The following WFDC1 variants were observed in gnomAD, a reference collection of about 807,000 sequenced individuals.
WFDC1 encodes WAP four-disulfide core domain protein 1.
A neutral mutation model predicts 32.9 loss-of-function variants in WFDC1; 39 were observed. The observed-to-expected ratio is 1.19, with a 90% CI of 0.92 to 1.55. WFDC1 has a LOEUF of 1.55. Ranked by LOEUF, WFDC1 falls within the 40% of genes most tolerant of loss-of-function variation. The probability of loss-of-function intolerance (pLI) is 0.00; values close to 1 mark genes in which losing one functional copy is unlikely to be tolerated. For synonymous variants in WFDC1, 184 were observed against 137.4 expected (o/e 1.34, Z -2.37); for missense variants, 386 against 309.5 (o/e 1.25, Z -1.85).
chr16:84,305,005 C>G (rs910083820), intron 1 of WFDC1, among the ~76,000 whole-genome samples: 2 of 152,230 alleles, frequency 1.3e-5, no homozygotes, highest in African/African-American at 2.4e-5. Flanking sequence ...TGGAGTAGGA[C>G]AGACCCAGGT....
intron 1 of WFDC1, among the ~76,000 whole-genome samples, chr16:84,310,667 T>C (rs967820338): frequency 2.6e-5 from 4 of 152,112 alleles, no homozygotes; most frequent in East Asian, 1.9e-4. Context: ...CAAATAGATA[T>C]ATATATGTTA....
At chr16:84,313,790 T>C (rs183939124) in intron 2 of WFDC1, among the ~76,000 whole-genome samples, 2 of 152,332 alleles carry the variant, frequency 1.3e-5, no homozygotes, top group East Asian at 1.9e-4. Flanking sequence ...TGTCACTTTC[T>C]TGAGTCTCCT....
intron 1 of WFDC1, among the ~76,000 whole-genome samples, chr16:84,299,640 C>T (rs542821516): frequency 2.6e-5 from 4 of 152,328 alleles, no homozygotes; most frequent in African/African-American, 4.8e-5. Flanking sequence ...ACAAATCCAC[C>T]GGGTGGGGCC....
chr16:84,297,617 CAAAAAAAAAAAAAAAA>C (rs150683526), intron 1 of WFDC1, among the ~76,000 whole-genome samples: 3 of 69,464 alleles, frequency 4.3e-5, no homozygotes, highest in East Asian at 4.5e-4. Flanking sequence ...AACTCTGTCT[CAAAAAAAAAAAAAAAA>C]AAAAAAAAAA....
Position 84,299,080 on chromosome 16 carries a change from G to A in WFDC1, c.144+3965G>A, listed in dbSNP as rs1041718122. On this transcript the variant is annotated intron_variant, in intron 1 of 6. Transcript: ENST00000219454. Reference sequence around the variant, plus strand: ...AAAAACCCATTCCAGGCCGGGCACAGTGGCTCACAGTGGCTCATGCCTGTA... The same window carrying A: ...AAAAACCCATTCCAGGCCGGGCACAATGGCTCACAGTGGCTCATGCCTGTA... Among the ~76,000 whole-genome samples, 12 of 152,292 alleles carry A rather than the reference G, an allele frequency of 7.9e-5. 1 individual carries two copies. In the East Asian group the frequency reaches 2.1e-3, roughly 27 times the overall value.
chr16:84,313,061 G>T lies in WFDC1; in HGVS notation c.245G>T (p.Arg82Leu). The change falls in exon 2 of 7, where the codon CGC becomes CTC. Residue 82 changes from arginine to leucine, a missense_variant. By Grantham distance (102) the Arg-to-Leu change is moderately radical. Coordinates refer to ENST00000219454, the MANE Select transcript of WFDC1 (RefSeq NM_021197.4). Reference sequence around the variant, plus strand: ...CCCCCCGGCGCCTGCCAGGCCGCGCGCTGTCAGGCGGACTCCGAGTGCCCG... The same window carrying T: ...CCCCCCGGCGCCTGCCAGGCCGCGCTCTGTCAGGCGGACTCCGAGTGCCCG... The part of the protein sequence containing the change: ...TLPPGACQAA[R>L]CQADSECPRH... 7.2e-7 allele frequency: 1 copy of T among 1,397,392 alleles called. No individual in the cohort carries two copies. Among genetic ancestry groups the T allele is most frequent in the Non-Finnish European group, 9.3e-7 (1 of 1,077,422 alleles). The allele number at this position is 1,397,392 out of a possible 1,614,324, so 86.6% of individuals were successfully genotyped here.
chr16:84,303,020 TC>T (rs1401399604), intron 1 of WFDC1, among the ~76,000 whole-genome samples: 7 of 122,510 alleles, frequency 5.7e-5, no homozygotes, highest in African/African-American at 1.9e-4. Flanking sequence ...TTTCTTTCTT[TC>T]TTTTTTTTTT....
chr16:84,306,808 G>A lies in WFDC1; in HGVS notation c.145-6153G>A, dbSNP rs1338860080. 2.6e-5 allele frequency among the ~76,000 whole-genome samples: 4 copies of A among 152,140 alleles called. No individual in the cohort carries two copies. The East Asian group carries it at 7.7e-4, about 29-fold the overall frequency. Reference sequence around the variant, plus strand: ...CATCATCACAGCTTTTGTTCCACCCGAAGAATATTTACTGAGTACTTGCTA... The same window carrying A: ...CATCATCACAGCTTTTGTTCCACCCAAAGAATATTTACTGAGTACTTGCTA... On this transcript the variant is annotated intron_variant, in intron 1 of 6. Coordinates refer to ENST00000219454, the MANE Select transcript of WFDC1 (RefSeq NM_021197.4).
At chr16:84,311,018 T>A (rs141507782) in intron 1 of WFDC1, among the ~76,000 whole-genome samples, 2 of 152,310 alleles carry the variant, frequency 1.3e-5, no homozygotes, top group East Asian at 1.9e-4. Context: ...TTTTTTCCAA[T>A]TAATCTATCC....
intron 1 of WFDC1, among the ~76,000 whole-genome samples, chr16:84,305,754 C>T (rs941637205): frequency 2.1e-4 from 32 of 152,140 alleles, no homozygotes; most frequent in African/African-American, 7.7e-4. Flanking sequence ...GTAATCCCAG[C>T]ACTTTGGGAG....
At chr16:84,308,279 C>T (rs548089639) in intron 1 of WFDC1, among the ~76,000 whole-genome samples, 53 of 152,242 alleles carry the variant, frequency 3.5e-4, no homozygotes, top group African/African-American at 1.3e-3. Context: ...TTCCCAGGGG[C>T]ACCCGGCCCG....
chr16:84,319,087 G>A lies in WFDC1; in HGVS notation c.422-344G>A, dbSNP rs182173972. The stretch of plus-strand genomic sequence containing the variant: ...GTATTTGTGCGTCTGACTTGCTTGT[G>A]TAAATGTCTGTGTCCCCATGCGACT... On this transcript the variant is annotated intron_variant, in intron 3 of 6. Coordinates refer to ENST00000219454, the MANE Select transcript of WFDC1 (RefSeq NM_021197.4). 1.7e-3 allele frequency: 579 copies of A among 350,714 alleles called. 7 individuals are homozygous for A. Among genetic ancestry groups the A allele is most frequent in the Non-Finnish European group, 1.2e-3 (226 of 190,052 alleles). 21.7% of individuals were successfully genotyped at this position (350,714 alleles called of 1,614,324 possible).
At chr16:84,325,451 C>T (rs914731008) in intron 5 of WFDC1, among the ~76,000 whole-genome samples, 1 of 152,110 alleles carries the variant, frequency 6.6e-6, no homozygotes, top group African/African-American at 2.4e-5. Flanking sequence ...GATCTGCCCG[C>T]CTCGGCCTCC....
chr16:84,295,193 C>G, intron 1 of WFDC1, 78 bp downstream of exon 1: 4 of 1,541,230 alleles, frequency 2.6e-6, no homozygotes, highest in Non-Finnish European at 3.5e-6. Context: ...TCCCTAGACA[C>G]TGCCTTCTCC....
At position 84,311,116 on chromosome 16, in the gene WFDC1, C is replaced by T. The variant is rs531852149; in HGVS notation, c.145-1845C>T. ...ATAGAAGCAGAAGAGTGTTACTGGG[C>T]CTGGATGGAGTCTGGTGTCAGGGGA... On this transcript the variant is annotated intron_variant, in intron 1 of 6. Transcript: ENST00000219454. Among the ~76,000 whole-genome samples the T allele has an allele frequency of 4.2e-4, 64 of 152,172 alleles. 1 individual carries two copies. The South Asian group carries it at 6.2e-3, about 15-fold the overall frequency.
At chr16:84,309,891 C>A (rs1034276229) in intron 1 of WFDC1, among the ~76,000 whole-genome samples, 1 of 151,698 alleles carries the variant, frequency 6.6e-6, no homozygotes, top group Non-Finnish European at 1.5e-5. Flanking sequence ...TGTGTGTGAT[C>A]TCCCTCTGCT....
intron 1 of WFDC1, among the ~76,000 whole-genome samples, chr16:84,297,965 C>T (rs1164588885): frequency 1.3e-5 from 2 of 152,126 alleles, no homozygotes; most frequent in African/African-American, 4.8e-5. Flanking sequence ...GACCTTCAGC[C>T]TTGGCCCTGA....
Position 84,305,440 on chromosome 16 carries a change from T to G in WFDC1, c.145-7521T>G, listed in dbSNP as rs144710141. The stretch of plus-strand genomic sequence containing the variant: ...CTCTGCGAGTTGTTTGCCCTGGTCT[T>G]ATCCAGAAATGATGAGGTTATATCC... On this transcript the variant is annotated intron_variant, in intron 1 of 6. Coordinates refer to ENST00000219454, the MANE Select transcript of WFDC1 (RefSeq NM_021197.4). 5.9e-5 allele frequency among the ~76,000 whole-genome samples: 9 copies of G among 152,332 alleles called. No individual in the cohort carries two copies. In the East Asian group the frequency reaches 1.5e-3, roughly 26 times the overall value.
At chr16:84,305,058 C>G (rs946019521) in intron 1 of WFDC1, among the ~76,000 whole-genome samples, 8 of 152,146 alleles carry the variant, frequency 5.3e-5, no homozygotes, top group African/African-American at 1.4e-4. Flanking sequence ...TGCTCTTGGG[C>G]AAATGCTTTT....
Sources: gnomAD v4.1 joint callset for allele counts (sites outside exome capture counted in the v4.1 genomes callset) on GRCh38, gnomAD v4.1.1 for gene constraint, MANE v1.5 for transcripts, NCBI Gene and HGNC (gene_info 2026-07-23, HGNC 2026-07-21) for gene names.